Variants in CLNK observed in about 807,000 individuals in gnomAD.
The protein encoded by CLNK is cytokine-dependent hematopoietic cell linker.
CLNK carries 74 observed loss-of-function variants against 68.6 expected under a neutral mutation model. The ratio of observed to expected loss-of-function variants is 1.08; its 90% CI spans 0.89 to 1.31. The LOEUF (loss-of-function observed/expected upper bound fraction) is 1.31, where lower values mean the gene tolerates loss of function less well. CLNK is among the 50% of genes most tolerant of loss of function. The probability of loss-of-function intolerance (pLI) is 0.00; values close to 1 mark genes in which losing one functional copy is unlikely to be tolerated. For missense variants in CLNK, 553 were observed against 515.3 expected, an observed-to-expected ratio of 1.07 and a Z score of -0.71; for synonymous variants, 198 against 172.2, an observed-to-expected ratio of 1.15 and a Z score of -1.17.
chr4:10,610,987 C>A (rs987254406), intron 2 of CLNK, among the ~76,000 whole-genome samples: 3 of 149,742 alleles, frequency 2.0e-5, no homozygotes, highest in Middle Eastern at 6.5e-3. Context: ...AGTTCGAGAC[C>A]AGCCGGGGCA....
intron 15 of CLNK, among the ~76,000 whole-genome samples, chr4:10,519,506 C>T: frequency 6.6e-6 from 1 of 152,176 alleles, no homozygotes; most frequent in East Asian, 1.9e-4. Context: ...ACTCCCATTC[C>T]TGACATTTGA....
chr4:10,619,147 T>A (rs1722334386), intron 2 of CLNK, among the ~76,000 whole-genome samples: 1 of 152,182 alleles, frequency 6.6e-6, no homozygotes, highest in Non-Finnish European at 1.5e-5. Flanking sequence ...TGGTAACACA[T>A]TAGTCCTTCT....
At chr4:10,707,918 G>T in the CLNK span, among the ~76,000 whole-genome samples, 1 of 152,224 alleles carries the variant, frequency 6.6e-6, no homozygotes, top group Non-Finnish European at 1.5e-5. Context: ...GGAGGAAAGT[G>T]CAGAGGATGT....
intron 11 of CLNK, among the ~76,000 whole-genome samples, chr4:10,536,366 C>T (rs1327976800): frequency 1.3e-5 from 2 of 152,208 alleles, no homozygotes; most frequent in Non-Finnish European, 2.9e-5. Flanking sequence ...TGGTTGATTA[C>T]ATGGGACTTG....
Position 10,590,513 on chromosome 4 carries a change from G to T in CLNK, c.84-5558C>A, listed in dbSNP as rs188217337. On this transcript the variant is annotated intron_variant, in intron 3 of 18. Coordinates refer to ENST00000226951, the MANE Select transcript of CLNK (RefSeq NM_052964.4). ...AGTCCTTTGGTTCTCCCCAGGCACCGACTGTTAGTCCAGAATTCAGCAGCG... is the reference window on the plus strand; with the variant it reads ...AGTCCTTTGGTTCTCCCCAGGCACCTACTGTTAGTCCAGAATTCAGCAGCG... 2.0e-5 allele frequency among the ~76,000 whole-genome samples: 3 copies of T among 152,226 alleles called. No individual in the cohort carries two copies. The East Asian group carries it at 5.8e-4, about 29-fold the overall frequency.
chr4:10,525,005 G>A (rs1238274943), intron 14 of CLNK, among the ~76,000 whole-genome samples: 1 of 152,196 alleles, frequency 6.6e-6, no homozygotes, highest in Non-Finnish European at 1.5e-5. Flanking sequence ...GGAGGCCCTG[G>A]ATTTTGTTTT....
the CLNK span, among the ~76,000 whole-genome samples, chr4:10,713,500 C>G: frequency 1.3e-5 from 2 of 151,878 alleles, no homozygotes; most frequent in East Asian, 3.9e-4. Flanking sequence ...AGGTCATGGC[C>G]CATATCACAT....
At chr4:10,631,083 A>G (rs562263784) in intron 2 of CLNK, among the ~76,000 whole-genome samples, 6 of 145,878 alleles carry the variant, frequency 4.1e-5, no homozygotes, top group African/African-American at 9.8e-5. Flanking sequence ...ATCCACTTGC[A>G]TAGCTTAAAG....
chr4:10,615,824 G>T (rs1722208206), intron 2 of CLNK, among the ~76,000 whole-genome samples: 1 of 152,174 alleles, frequency 6.6e-6, no homozygotes, highest in Non-Finnish European at 1.5e-5. Context: ...TAGTGTTCTG[G>T]TAAAGCCTGA....
chr4:10,688,562 C>A (rs1167549188), upstream of CLNK, among the ~76,000 whole-genome samples: 2 of 152,152 alleles, frequency 1.3e-5, no homozygotes, highest in East Asian at 3.9e-4. Flanking sequence ...AAATCCCACC[C>A]AGTTACACTA....
chr4:10,644,470 C>T (rs971451286), intron 2 of CLNK, among the ~76,000 whole-genome samples: 2 of 152,126 alleles, frequency 1.3e-5, no homozygotes, highest in East Asian at 1.9e-4. Flanking sequence ...GTGAGACACA[C>T]TGAGGTTTGG....
At chr4:10,665,092 G>A (rs1343807092) in intron 2 of CLNK, among the ~76,000 whole-genome samples, 1 of 152,208 alleles carries the variant, frequency 6.6e-6, no homozygotes, top group Non-Finnish European at 1.5e-5. Flanking sequence ...GTGTCAGATA[G>A]TCAAGTGTGA....
chr4:10,726,260 A>G, the CLNK span, among the ~76,000 whole-genome samples: 57,868 of 151,846 alleles, frequency 0.38, 11,692 homozygotes, highest in East Asian at 0.58. Flanking sequence ...AGCTGGGACT[A>G]CAGACGCCTG....
chr4:10,521,316 A>T (rs1297889583), intron 14 of CLNK, among the ~76,000 whole-genome samples: 2 of 152,254 alleles, frequency 1.3e-5, no homozygotes, highest in Non-Finnish European at 2.9e-5. Flanking sequence ...ACCCCAAAGA[A>T]AAAGAGATTA....
intron 7 of CLNK, among the ~76,000 whole-genome samples, chr4:10,562,361 T>A (rs996444302): frequency 2.6e-5 from 4 of 152,170 alleles, no homozygotes; most frequent in African/African-American, 9.7e-5. Context: ...TTGCAGCTAT[T>A]AAAATGGAAG....
chr4:10,520,749 G>T, intron 15 of CLNK, 42 bp downstream of exon 15: 1 of 1,495,874 alleles, frequency 6.7e-7, no homozygotes, highest in Non-Finnish European at 9.2e-7. Flanking sequence ...TCACAGTATC[G>T]TGACTTACCT....
the CLNK span, among the ~76,000 whole-genome samples, chr4:10,731,358 G>T: frequency 6.6e-6 from 1 of 152,206 alleles, no homozygotes; most frequent in African/African-American, 2.4e-5. Flanking sequence ...CTCCCCGGGT[G>T]GTTCGGGGCT....
At chr4:10,523,891 G>A in intron 14 of CLNK, 1 of 347,234 alleles carries the variant, frequency 2.9e-6, no homozygotes, top group Non-Finnish European at 5.7e-6. Flanking sequence ...TGGGCATGGT[G>A]GCATGTGCCT....
At chr4:10,587,700 G>A (rs961234084) in intron 3 of CLNK, among the ~76,000 whole-genome samples, 8 of 152,082 alleles carry the variant, frequency 5.3e-5, no homozygotes, top group African/African-American at 1.7e-4. Flanking sequence ...CGCTGTTATC[G>A]CCTCAACTTT....
Sources: allele counts gnomAD v4.1 joint callset (sites outside exome capture counted in the v4.1 genomes callset), GRCh38; gene constraint gnomAD v4.1.1; transcripts MANE v1.5; gene names NCBI Gene and HGNC (gene_info 2026-07-23, HGNC 2026-07-21).